NOX5: variants seen among roughly 807,000 people sequenced by gnomAD.
The protein encoded by NOX5 is NADPH oxidase, EF-hand calcium binding domain 5.
A neutral mutation model predicts 85.7 loss-of-function variants in NOX5; 76 were observed. The ratio of observed to expected loss-of-function variants is 0.89; its 90% CI spans 0.74 to 1.07. The LOEUF is 1.07. NOX5 is among the 50% of genes least tolerant of loss of function. NOX5 has a pLI of 0.00. For synonymous variants in NOX5, 405 were observed against 401.4 expected (o/e 1.01, Z -0.11); for missense variants, 973 against 999.5 (o/e 0.97, Z 0.36).
At position 69,060,088 on chromosome 15, in the gene NOX5, C is replaced by T. The variant is rs1005835509; in HGVS notation, c.*3392C>T. ...GCACAAACACAAGCCCACTGAACCACTTTGCCAGGTGCCATTGCACTGTTC... is the reference window on the plus strand; with the variant it reads ...GCACAAACACAAGCCCACTGAACCATTTTGCCAGGTGCCATTGCACTGTTC... On this transcript the variant is annotated 3_prime_UTR_variant, in exon 16 of 16. Transcript: ENST00000388866. 6.6e-6 allele frequency: 1 copy of T among 152,462 alleles called. No individual in the cohort carries two copies. Among genetic ancestry groups the T allele is most frequent in the South Asian group, 2.1e-4 (1 of 4,834 alleles). The allele number at this position is 152,462 out of a possible 1,614,324, so 9.4% of individuals were successfully genotyped here. A position where few individuals can be genotyped will look rare whatever the true frequency, so the allele number is the denominator to read the frequency against.
Position 69,031,620 on chromosome 15 carries a change from C to A in NOX5, c.428C>A (p.Pro143Gln). 1 of 1,613,316 alleles carries A rather than the reference C, an allele frequency of 6.2e-7. No homozygotes were observed. Among genetic ancestry groups the A allele is most frequent in the Non-Finnish European group, 8.5e-7 (1 of 1,180,004 alleles). ...PLGTGSGSID[P>Q]DELRTVLQSC... ...GGGACAGGCAGTGGCTCCATTGACCCGGATGAGCTGCGCACTGTGCTGCAG... is the reference window on the plus strand; with the variant it reads ...GGGACAGGCAGTGGCTCCATTGACCAGGATGAGCTGCGCACTGTGCTGCAG... Residue 143 changes from proline (P) to glutamine (Q), a missense_variant, in exon 4 of 16, where the codon CCG becomes CAG. Coordinates refer to ENST00000388866, the MANE Select transcript of NOX5 (RefSeq NM_024505.4).
rs575904483 is a variant in NOX5, at chr15:69,035,369, C to G, written c.871C>G (p.Arg291Gly). Residue 291 changes from arginine to glycine, a missense_variant, in exon 6 of 16, where the codon CGC (arginine) becomes GGC (glycine). By Grantham distance (125) the Arg-to-Gly change is moderately radical. Coordinates refer to ENST00000388866, the MANE Select transcript of NOX5 (RefSeq NM_024505.4). ...CSFIAVLMLR[R>G]CLTWLRATWL... ...GCCTGGCCAGGTGCTGATGCTCAGACGCTGCCTCACCTGGCTGCGGGCCAC... is the reference window on the plus strand; with the variant it reads ...GCCTGGCCAGGTGCTGATGCTCAGAGGCTGCCTCACCTGGCTGCGGGCCAC... 2.5e-6 allele frequency: 4 copies of G among 1,613,878 alleles called. No homozygotes were observed. The highest frequency in any genetic ancestry group is 1.1e-5 in the South Asian group (1 of 91,060).
Position 69,037,077 on chromosome 15 carries a change from T to C in NOX5, c.1238T>C (p.Ile413Thr), listed in dbSNP as rs1163819289. 4 of 1,614,070 alleles carry C rather than the reference T, an allele frequency of 2.5e-6. No individual in the cohort carries two copies. The South Asian group carries it at 4.4e-5, about 18-fold the overall frequency. Reference sequence around the variant, plus strand: ...TACCTCCTCGTGTGGCTTCTGCTCATCTTTCATGGGCCCAACTTCTGGAAG... The same window carrying C: ...TACCTCCTCGTGTGGCTTCTGCTCACCTTTCATGGGCCCAACTTCTGGAAG... ...LSYLLVWLLLIFHGPNFWKWL... is the reference protein window; with the variant it reads ...LSYLLVWLLLTFHGPNFWKWL... The change falls in exon 8 of 16, where the codon ATC (isoleucine) becomes ACC (threonine). Residue 413 changes from isoleucine (I) to threonine (T), a missense_variant. Physicochemically the swap from Ile to Thr is moderately conservative, Grantham distance 89. Coordinates refer to ENST00000388866, the MANE Select transcript of NOX5 (RefSeq NM_024505.4).
rs115224402 is a variant in NOX5, at chr15:69,061,861, A to G, written c.*5165A>G. ...TTTTAGTGTGGCAGGGAAGAAAAGGATGCATTTTTTGGTAAAGGAAAAAAA... is the reference window on the plus strand; with the variant it reads ...TTTTAGTGTGGCAGGGAAGAAAAGGGTGCATTTTTTGGTAAAGGAAAAAAA... On this transcript the variant is annotated 3_prime_UTR_variant, in exon 16 of 16. Transcript: ENST00000388866. 6.6e-6 allele frequency: 1 copy of G among 152,216 alleles called. No individual in the cohort carries two copies. The highest frequency in any genetic ancestry group is 2.4e-5 in the African/African-American group (1 of 41,450). The allele number at this position is 152,216 out of a possible 1,614,324, so 9.4% of individuals were successfully genotyped here.
intron 13 of NOX5, 39 bp from the exon 14 acceptor site, chr15:69,048,920 G>A (rs1488286499): frequency 6.6e-7 from 1 of 1,509,138 alleles, no homozygotes; most frequent in South Asian, 1.2e-5. Flanking sequence ...TGCAAATCAG[G>A]GAGACCCAGC....
intron 4 of NOX5, among the ~76,000 whole-genome samples, 155 bp from the exon 5 acceptor site, chr15:69,032,888 G>GACCA (rs2050456648): frequency 1.3e-5 from 2 of 152,318 alleles, no homozygotes; most frequent in South Asian, 4.1e-4. Context: ...GTGCGACTGT[G>GACCA]ACCAAGCCAC....
rs2050359691 is a variant in NOX5 at position 69,026,483 on chromosome 15, C to T, written c.51-45C>T. 4 of 1,612,952 alleles carry T rather than the reference C, an allele frequency of 2.5e-6. No individual in the cohort carries two copies. In the East Asian group the frequency reaches 8.9e-5, roughly 36 times the overall value. ...GGGACCACCATGAGACCTCATAAGG[C>T]TTTGGCCACCCCAAGCCCATAAACC... On this transcript the variant is annotated intron_variant, in intron 1 of 15. Transcript: ENST00000388866.
At chr15:69,055,297 TA>T in intron 14 of NOX5, 36 bp from the exon 15 acceptor site, 7 of 1,608,728 alleles carry the variant, frequency 4.4e-6, no homozygotes, top group Non-Finnish European at 6.0e-6. Flanking sequence ...TGATGGGTAC[TA>T]GACCCTCAGT....
rs1227813483 is a variant in NOX5, at chr15:69,035,882, C to G, written c.1134C>G (p.Leu378=). 2 of 1,614,118 alleles carry G rather than the reference C, an allele frequency of 1.2e-6. No individual in the cohort carries two copies. The highest frequency in any genetic ancestry group is 8.5e-7 in the Non-Finnish European group (1 of 1,179,940). The change falls in exon 7 of 16, where the codon CTC becomes CTG. Residue 378 remains leucine (L), a synonymous_variant. Coordinates refer to ENST00000388866, the MANE Select transcript of NOX5 (RefSeq NM_024505.4). ...CAGGTGTCGCTCTGCTGCTGCTGCT[C>G]CTCCTCATGTTCATCTGCTCCAGTT... The part of the protein sequence containing the change: ...SPTGVALLLL[L]LLMFICSSSC...
At chr15:69,054,598 T>A (rs2050787964) in intron 14 of NOX5, among the ~76,000 whole-genome samples, 1 of 152,214 alleles carries the variant, frequency 6.6e-6, no homozygotes, top group Non-Finnish European at 1.5e-5. Flanking sequence ...TGTTCTAGCC[T>A]CTCACTCTGT....
chr15:69,015,524 C>T (rs776393610), intron 1 of NOX5, among the ~76,000 whole-genome samples: 4 of 152,128 alleles, frequency 2.6e-5, no homozygotes, highest in African/African-American at 4.8e-5. Context: ...GCTGTTTAAC[C>T]CCTAGGGCAG....
chr15:69,019,207 C>T (rs1047990463), intron 1 of NOX5, among the ~76,000 whole-genome samples: 5 of 152,162 alleles, frequency 3.3e-5, no homozygotes, highest in Admixed American at 1.3e-4. Context: ...CGAGGTACTC[C>T]CTCCTCCTCC....
chr15:69,056,429 T>C (rs890446187), intron 15 of NOX5, 136 bp from the exon 16 acceptor site: 25 of 1,119,212 alleles, frequency 2.2e-5, no homozygotes, highest in African/African-American at 3.1e-5. Context: ...AGCTGTGCCA[T>C]GCAGCTCCCT....
chr15:69,035,054 C>T (rs2050493289), intron 5 of NOX5, among the ~76,000 whole-genome samples: 1 of 152,190 alleles, frequency 6.6e-6, no homozygotes, highest in African/African-American at 2.4e-5. Context: ...GAGTGAGCCA[C>T]TGCGCCTGGC....
At chr15:69,037,434 A>C in intron 8 of NOX5, 5 of 530,094 alleles carry the variant, frequency 9.4e-6, no homozygotes, top group East Asian at 3.2e-5. Flanking sequence ...AACCTCTAAA[A>C]TCCGATTTTG....
chr15:69,024,108 T>C (rs941617343), intron 1 of NOX5: 1 of 153,516 alleles, frequency 6.5e-6, no homozygotes, highest in Non-Finnish European at 1.5e-5. Flanking sequence ...AAGAATCATA[T>C]AACCGTGGCT....
In NOX5 at chr15:69,042,700, G is replaced by A. The variant is rs771415063; in HGVS notation, c.1542G>A (p.Trp514Ter). The A allele has an allele frequency of 6.2e-7, 1 of 1,614,010 alleles. No homozygotes were observed. Among genetic ancestry groups the A allele is most frequent in the South Asian group, 1.1e-5 (1 of 91,064 alleles). Residue 514 changes from tryptophan to a stop codon, truncating the protein, a stop_gained, in exon 10 of 16, where the codon TGG becomes TGA. Coordinates refer to ENST00000388866, the MANE Select transcript of NOX5 (RefSeq NM_024505.4). LOFTEE classifies it high-confidence loss of function. ...IWLHIRSQGQWTNRLYESFKA... is the reference protein window; with the variant it reads ...IWLHIRSQGQ ...TGCACATTCGGTCCCAAGGCCAGTG[G>A]ACAAACAGGCTGTATGAGTCCTTCA...
At chr15:69,048,225 G>A (rs1389784035) in intron 13 of NOX5, among the ~76,000 whole-genome samples, 1 of 152,194 alleles carries the variant, frequency 6.6e-6, no homozygotes. Flanking sequence ...ATGACCCTAT[G>A]GTGGTTTTAA....
intron 5 of NOX5, among the ~76,000 whole-genome samples, chr15:69,034,909 C>T (rs747465850): frequency 1.3e-5 from 2 of 152,022 alleles, no homozygotes; most frequent in African/African-American, 2.4e-5. Flanking sequence ...CAGGTGTGTG[C>T]CACCATGCCC....
Sources: allele counts gnomAD v4.1 joint callset (sites outside exome capture counted in the v4.1 genomes callset), GRCh38; gene constraint gnomAD v4.1.1; transcripts MANE v1.5; gene names NCBI Gene and HGNC (gene_info 2026-07-23, HGNC 2026-07-21).